RBFOX1: variants seen among roughly 807,000 people sequenced by gnomAD.
RBFOX1 encodes RNA binding fox-1 homolog 1, also known as RNA binding protein fox-1 homolog 1.
RBFOX1 carries 8 observed loss-of-function variants against 57.7 expected under a neutral mutation model. The ratio of observed to expected loss-of-function variants is 0.14; its 90% CI spans 0.08 to 0.25. The LOEUF (loss-of-function observed/expected upper bound fraction) is 0.25. Ranked by LOEUF, RBFOX1 falls within the 10% of genes least tolerant of loss-of-function variation. The pLI is 1.00. For missense variants in RBFOX1, 611 were observed against 548.5 expected (o/e 1.11, Z -1.14); for synonymous variants, 326 against 222.4 (o/e 1.47, Z -4.15).
intron 3 of RBFOX1, among the ~76,000 whole-genome samples, chr16:5,635,215 C>T (rs578119419): frequency 6.6e-6 from 1 of 152,284 alleles, no homozygotes; most frequent in East Asian, 1.9e-4. Flanking sequence ...GATGGTCAGC[C>T]ATCTGACAAA....
At chr16:6,817,447 G>A (rs1002115271) in intron 3 of RBFOX1, among the ~76,000 whole-genome samples, 7 of 150,252 alleles carry the variant, frequency 4.7e-5, no homozygotes, top group African/African-American at 9.8e-5. Flanking sequence ...TAATCCCAAC[G>A]CTTTGTGAGG....
chr16:7,135,442 T>C (rs1293112717), intron 4 of RBFOX1, among the ~76,000 whole-genome samples: 3 of 152,238 alleles, frequency 2.0e-5, no homozygotes, highest in Admixed American at 2.0e-4. Flanking sequence ...TGACATTTCT[T>C]ACATTGTTAC....
At chr16:5,707,577 C>T (rs762265499) in intron 3 of RBFOX1, among the ~76,000 whole-genome samples, 1 of 152,192 alleles carries the variant, frequency 6.6e-6, no homozygotes, top group African/African-American at 2.4e-5. Flanking sequence ...TCCCCCAACA[C>T]TCCAGCTATA....
chr16:7,339,805 G>C (rs189155934), intron 4 of RBFOX1, among the ~76,000 whole-genome samples: 30 of 152,232 alleles, frequency 2.0e-4, no homozygotes, highest in Admixed American at 5.2e-4. Context: ...ATTGGTTAAA[G>C]GGGGAAAAAA....
intron 2 of RBFOX1, among the ~76,000 whole-genome samples, chr16:5,510,607 A>C (rs1479475097): frequency 2.6e-5 from 4 of 152,116 alleles, no homozygotes; most frequent in Non-Finnish European, 5.9e-5. Context: ...GGGGGAGATG[A>C]AAAATGGGGG....
intron 4 of RBFOX1, among the ~76,000 whole-genome samples, chr16:7,406,060 A>G (rs561314743): frequency 1.2e-3 from 188 of 152,336 alleles, no homozygotes; most frequent in Non-Finnish European, 2.0e-3. Context: ...AATATTGGCA[A>G]TAGTGAAGGG....
intron 3 of RBFOX1, among the ~76,000 whole-genome samples, chr16:6,919,950 C>T (rs576546611): frequency 6.6e-6 from 1 of 152,052 alleles, no homozygotes; most frequent in Non-Finnish European, 1.5e-5. Flanking sequence ...CTTTTCCCCT[C>T]TGAGTCCCCA....
At chr16:6,561,027 A>G (rs1023586600) in intron 2 of RBFOX1, among the ~76,000 whole-genome samples, 1 of 152,168 alleles carries the variant, frequency 6.6e-6, no homozygotes, top group Non-Finnish European at 1.5e-5. Context: ...GCACCCTCCA[A>G]CCACAGGCTT....
chr16:7,336,244 T>C (rs2096784746), intron 4 of RBFOX1, among the ~76,000 whole-genome samples: 1 of 152,130 alleles, frequency 6.6e-6, no homozygotes, highest in South Asian at 2.1e-4. Context: ...AAACAACAGC[T>C]TTGTAACTGG....
At chr16:6,610,683 A>G (rs549615737) in intron 2 of RBFOX1, among the ~76,000 whole-genome samples, 7 of 152,208 alleles carry the variant, frequency 4.6e-5, no homozygotes, top group Non-Finnish European at 7.3e-5. Flanking sequence ...ATATATGTGA[A>G]GAAACACTGA....
At chr16:6,637,554 A>ATCTATAATAGTC (rs1413772226) in intron 2 of RBFOX1, among the ~76,000 whole-genome samples, 2 of 133,426 alleles carry the variant, frequency 1.5e-5, no homozygotes, top group Non-Finnish European at 3.1e-5. Context: ...TCTGCATAGT[A>ATCTATAATAGTC]TATATAATAT....
rs567472388 is a variant in RBFOX1, at chr16:6,617,120, C to T, written c.-63-37483C>T. 4.2e-4 allele frequency among the ~76,000 whole-genome samples: 64 copies of T among 152,098 alleles called. No individual in the cohort carries two copies. The South Asian group carries it at 0.011, about 27-fold the overall frequency. Reference sequence around the variant, plus strand: ...GCCCACCACGAAGAGTTTTGGAAGACGTAAGACTTAAGTGGTACAAGGAGA... The same window carrying T: ...GCCCACCACGAAGAGTTTTGGAAGATGTAAGACTTAAGTGGTACAAGGAGA... On this transcript the variant is annotated intron_variant, in intron 2 of 15. Transcript: ENST00000550418.
At chr16:5,698,340 A>C (rs959616842) in intron 3 of RBFOX1, among the ~76,000 whole-genome samples, 7 of 152,104 alleles carry the variant, frequency 4.6e-5, no homozygotes, top group African/African-American at 1.7e-4. Flanking sequence ...ATTTACCTGT[A>C]ATTTTTTGCT....
chr16:6,657,040 T>TTTC (rs2098662062), intron 3 of RBFOX1, among the ~76,000 whole-genome samples: 1 of 54,948 alleles, frequency 1.8e-5, no homozygotes, highest in African/African-American at 8.0e-5. Flanking sequence ...GTCCTCCCCT[T>TTTC]TCCTCTCCTC....
At chr16:7,536,509 G>A (rs188975260) in intron 5 of RBFOX1, among the ~76,000 whole-genome samples, 89 of 152,272 alleles carry the variant, frequency 5.8e-4, no homozygotes, top group Non-Finnish European at 7.4e-4. Flanking sequence ...CAAGAGAATC[G>A]CTTGAACTCA....
At chr16:6,255,276 G>T (rs761904385) in intron 1 of RBFOX1, among the ~76,000 whole-genome samples, 1 of 152,130 alleles carries the variant, frequency 6.6e-6, no homozygotes, top group Non-Finnish European at 1.5e-5. Context: ...CCCAGGCATG[G>T]GAAAACTCTG....
At position 6,649,841 on chromosome 16, in the gene RBFOX1, G is replaced by A. The variant is rs1362496210; in HGVS notation, c.-63-4762G>A. 2.6e-5 allele frequency among the ~76,000 whole-genome samples: 4 copies of A among 152,054 alleles called. No homozygotes were observed. The East Asian group carries it at 5.8e-4, about 22-fold the overall frequency. ...GTAAGTTTTCTGTTATATATGTATAGTATATTATATATTGTATTCATCTAT... is the reference window on the plus strand; with the variant it reads ...GTAAGTTTTCTGTTATATATGTATAATATATTATATATTGTATTCATCTAT... On this transcript the variant is annotated intron_variant, in intron 2 of 15. Transcript: ENST00000550418.
In RBFOX1 at chr16:7,072,009, G is replaced by A. The variant is rs561755240; in HGVS notation, c.27+19911G>A. Among the ~76,000 whole-genome samples the A allele has an allele frequency of 5.9e-5, 9 of 152,072 alleles. No individual in the cohort carries two copies. The South Asian group carries it at 8.3e-4, about 14-fold the overall frequency. On this transcript the variant is annotated intron_variant, in intron 4 of 15. Transcript: ENST00000550418. Reference sequence around the variant, plus strand: ...TGAATTCCTCTCAAAATTCACTCTCGCAAACCTACTCGAAGTCATAACGAT... The same window carrying A: ...TGAATTCCTCTCAAAATTCACTCTCACAAACCTACTCGAAGTCATAACGAT...
intron 3 of RBFOX1, among the ~76,000 whole-genome samples, chr16:6,673,865 T>G (rs1329659852): frequency 2.6e-5 from 4 of 152,152 alleles, no homozygotes; most frequent in Non-Finnish European, 5.9e-5. Flanking sequence ...TTACAGATAT[T>G]AAGAGAAGAA....
Sources: allele counts gnomAD v4.1 joint callset (sites outside exome capture counted in the v4.1 genomes callset), GRCh38; gene constraint gnomAD v4.1.1; transcripts MANE v1.5; gene names NCBI Gene and HGNC (gene_info 2026-07-23, HGNC 2026-07-21).